Variants in AFAP1 observed in about 807,000 individuals in gnomAD.
AFAP1 encodes the protein actin filament associated protein 1.
A neutral mutation model predicts 93.9 loss-of-function variants in AFAP1; 75 were observed. The ratio of observed to expected loss-of-function variants is 0.80; its 90% CI spans 0.66 to 0.97. The LOEUF (loss-of-function observed/expected upper bound fraction) is 0.97, where lower values mean the gene tolerates loss of function less well. AFAP1 is among the 50% of genes least tolerant of loss of function. The pLI, the probability that AFAP1 is intolerant of heterozygous loss-of-function variation, is 0.00. For missense variants in AFAP1, 1,201 were observed against 1,050.8 expected (o/e 1.14, Z -1.98); for synonymous variants, 517 against 430.7 (o/e 1.20, Z -2.48).
rs1047345713 is a variant in AFAP1, at chr4:7,840,220, T to G, written c.547-1517A>C. On this transcript the variant is annotated intron_variant, in intron 5 of 17. Transcript: ENST00000420658. ...AGGAAGGAATGAATAGATAGTTATTTTCAGAAGTGATTTCTAGAGTCCTTT... is the reference window on the plus strand; with the variant it reads ...AGGAAGGAATGAATAGATAGTTATTGTCAGAAGTGATTTCTAGAGTCCTTT... Among the ~76,000 whole-genome samples the G allele has an allele frequency of 2.6e-5, 4 of 152,028 alleles. No individual in the cohort carries two copies. In the East Asian group the frequency reaches 7.7e-4, roughly 29 times the overall value.
At chr4:7,930,258 G>A (rs1352353162) in intron 1 of AFAP1, among the ~76,000 whole-genome samples, 1 of 152,208 alleles carries the variant, frequency 6.6e-6, no homozygotes, top group African/African-American at 2.4e-5. Flanking sequence ...GCCCCTGGGA[G>A]TGCCACCTCC....
At chr4:7,846,066 G>A (rs955891247) in intron 4 of AFAP1, among the ~76,000 whole-genome samples, 16 of 152,294 alleles carry the variant, frequency 1.1e-4, no homozygotes, top group African/African-American at 2.4e-4. Flanking sequence ...CGCGATGAGC[G>A]AAAGCACTGA....
chr4:7,768,750 GA>G, intron 17 of AFAP1, 93 bp downstream of exon 17: 1 of 1,398,252 alleles, frequency 7.2e-7, no homozygotes, highest in Admixed American at 2.9e-5. Flanking sequence ...GATGCAGTAG[GA>G]AGAAGAATGG....
At chr4:7,931,973 G>T (rs886365608) in intron 1 of AFAP1, among the ~76,000 whole-genome samples, 1 of 152,038 alleles carries the variant, frequency 6.6e-6, no homozygotes, top group Non-Finnish European at 1.5e-5. Flanking sequence ...CCATTCTCCT[G>T]CCTCAGCCTC....
At chr4:7,831,393 T>TAAAAAAAA (rs34512873) in intron 6 of AFAP1, among the ~76,000 whole-genome samples, 1 of 137,846 alleles carries the variant, frequency 7.3e-6, no homozygotes. Flanking sequence ...CAGCAAATGC[T>TAAAAAAAA]AAAAAAAAAA....
rs373341360 is a variant in AFAP1 at position 7,800,539 on chromosome 4, A to G, written c.1169T>C (p.Ile390Thr). The part of the protein sequence containing the change: ...RTDLKTHIVS[I>T]PLRGCEVIPG... The stretch of plus-strand genomic sequence containing the variant: ...GATCACCTCGCAGCCACGGAGCGGA[A>G]TAGACACAATATGGGTCTTCAGGTC... Residue 390 changes from isoleucine (I) to threonine (T), a missense_variant, in exon 10 of 18, where the codon ATT becomes ACT. By Grantham distance (89) the Ile-to-Thr change is moderately conservative. Transcript: ENST00000420658. 4 of 1,614,112 alleles carry G rather than the reference A, an allele frequency of 2.5e-6. No homozygotes were observed. The highest frequency in any genetic ancestry group is 1.3e-5 in the African/African-American group (1 of 74,950).
chr4:7,917,164 C>A (rs1720128091), intron 1 of AFAP1, among the ~76,000 whole-genome samples: 1 of 152,164 alleles, frequency 6.6e-6, no homozygotes, highest in Non-Finnish European at 1.5e-5. Context: ...GCCTGGCGCA[C>A]AGACCCTGTC....
chr4:7,916,411 T>C (rs556199924), intron 1 of AFAP1, among the ~76,000 whole-genome samples: 15 of 152,318 alleles, frequency 9.8e-5, no homozygotes, highest in African/African-American at 3.1e-4. Flanking sequence ...GGATGTCTGA[T>C]TGCACTCACT....
At chr4:7,883,226 CAGAA>C (rs1407572528) in intron 1 of AFAP1, among the ~76,000 whole-genome samples, 1 of 138,202 alleles carries the variant, frequency 7.2e-6, no homozygotes, top group Non-Finnish European at 1.6e-5. Flanking sequence ...GGAGGAAAGA[CAGAA>C]AGAAAATCTA....
chr4:7,872,949 A>ATTTTTTTTT (rs1560213677), intron 1 of AFAP1, among the ~76,000 whole-genome samples: 7 of 149,512 alleles, frequency 4.7e-5, no homozygotes, highest in African/African-American at 1.7e-4. Flanking sequence ...TAAAAAAAAA[A>ATTTTTTTTT]AAAAAAAAAA....
intron 17 of AFAP1, among the ~76,000 whole-genome samples, chr4:7,764,403 G>T (rs1577165356): frequency 1.6e-5 from 2 of 123,482 alleles, no homozygotes; most frequent in African/African-American, 5.5e-5. Context: ...AAAAAAAAAA[G>T]GAAGTAGAAT....
chr4:7,864,392 A>T (rs1300779378), intron 3 of AFAP1, among the ~76,000 whole-genome samples: 1 of 152,232 alleles, frequency 6.6e-6, no homozygotes, highest in Admixed American at 6.5e-5. Flanking sequence ...AAGTCAATTC[A>T]TCAATAGCGA....
At position 7,792,995 on chromosome 4, in the gene AFAP1, T is replaced by C. The variant is rs571245164; in HGVS notation, c.1412+686A>G. 5.3e-5 allele frequency among the ~76,000 whole-genome samples: 8 copies of C among 152,310 alleles called. No homozygotes were observed. The South Asian group carries it at 1.7e-3, about 32-fold the overall frequency. ...ACAGTGGAAAAAGGAAACAATGTCT[T>C]AGTATATTATGAAAATAATTTAACC... On this transcript the variant is annotated intron_variant, in intron 11 of 17. Transcript: ENST00000420658.
At chr4:7,802,866 G>A (rs1309725932) in intron 9 of AFAP1, among the ~76,000 whole-genome samples, 1 of 152,152 alleles carries the variant, frequency 6.6e-6, no homozygotes, top group Non-Finnish European at 1.5e-5. Flanking sequence ...AGCCAGGAAG[G>A]TCTCGATCTC....
At chr4:7,847,534 C>A (rs1357473473) in intron 4 of AFAP1, among the ~76,000 whole-genome samples, 1 of 152,224 alleles carries the variant, frequency 6.6e-6, no homozygotes, top group Non-Finnish European at 1.5e-5. Flanking sequence ...ATGACCCAAT[C>A]AAGAGAAGAG....
intron 1 of AFAP1, among the ~76,000 whole-genome samples, chr4:7,900,796 G>A (rs1719071902): frequency 6.6e-6 from 1 of 152,176 alleles, no homozygotes; most frequent in Non-Finnish European, 1.5e-5. Flanking sequence ...ATAATTCACT[G>A]AAACAAAAGA....
intron 11 of AFAP1, among the ~76,000 whole-genome samples, chr4:7,786,801 G>GACA (rs2148995605): frequency 6.6e-6 from 1 of 152,314 alleles, no homozygotes; most frequent in East Asian, 1.9e-4. Flanking sequence ...CTTCCAGAAG[G>GACA]ACAACATGGC....
intron 3 of AFAP1, among the ~76,000 whole-genome samples, chr4:7,866,244 T>A (rs1370291617): frequency 6.6e-6 from 1 of 151,766 alleles, no homozygotes; most frequent in African/African-American, 2.4e-5. Context: ...TCACCCAGGC[T>A]GTAGTGCAGT....
chr4:7,870,768 C>G (rs1440438512), intron 2 of AFAP1, among the ~76,000 whole-genome samples: 1 of 152,176 alleles, frequency 6.6e-6, no homozygotes, highest in Admixed American at 6.5e-5. Context: ...AAGCCACCCA[C>G]GTTCAAACTG....
Sources: gnomAD v4.1 joint callset for allele counts (sites outside exome capture counted in the v4.1 genomes callset) on GRCh38, gnomAD v4.1.1 for gene constraint, MANE v1.5 for transcripts, NCBI Gene and HGNC (gene_info 2026-07-23, HGNC 2026-07-21) for gene names.